ABCG1: variants seen among roughly 807,000 people sequenced by gnomAD.
The protein encoded by ABCG1 is ATP binding cassette subfamily G member 1, also known as ATP-binding cassette sub-family G member 1.
Under a neutral mutation model 69.2 loss-of-function variants are expected in ABCG1, and 29 were observed. The observed-to-expected ratio is 0.42, with a 90% confidence interval of 0.31 to 0.57. The LOEUF (loss-of-function observed/expected upper bound fraction) is 0.57, where lower values mean the gene tolerates loss of function less well. Ranked by LOEUF, ABCG1 falls within the 20% of genes least tolerant of loss-of-function variation. ABCG1 has a pLI of 0.15. For missense variants in ABCG1, 718 were observed against 898.1 expected (o/e 0.80, Z 2.56); for synonymous variants, 370 against 374.8 (o/e 0.99, Z 0.15).
In ABCG1 at chr21:42,296,481, G is replaced by A. The variant is rs566210379; in HGVS notation, c.*89G>A. ...GGAGGCAAGCCTGTGCCCGACCGAC[G>A]ACACAGAGACTCTTCTGATCCAACC... On this transcript the variant is annotated 3_prime_UTR_variant, in exon 15 of 15. Coordinates refer to ENST00000398449, the MANE Select transcript of ABCG1 (RefSeq NM_016818.3). The surrounding 1 kb of genome is among the most constrained non-coding windows in gnomAD (Gnocchi z 5.4). 41 of 1,175,638 alleles carry A rather than the reference G, an allele frequency of 3.5e-5. 1 individual carries two copies. In the South Asian group the frequency reaches 4.1e-4, roughly 12 times the overall value. The allele number at this position is 1,175,638 out of a possible 1,614,324, so 72.8% of individuals were successfully genotyped here. A position where few individuals can be genotyped will look rare whatever the true frequency, so the allele number is the denominator to read the frequency against.
chr21:42,207,072 T>G (rs1183961394), intron 2 of ABCG1: 1 of 152,222 alleles, frequency 6.6e-6, no homozygotes, highest in African/African-American at 2.4e-5. Flanking sequence ...TGTCTTGGTA[T>G]AGTTTTATTT....
At chr21:42,271,362 G>A (rs1032741303) in intron 3 of ABCG1, among the ~76,000 whole-genome samples, 175 bp downstream of exon 3, 1 of 152,198 alleles carries the variant, frequency 6.6e-6, no homozygotes, top group Non-Finnish European at 1.5e-5. Flanking sequence ...TATGATGGGT[G>A]GAGAGCCACA....
At chr21:42,238,564 G>T (rs570515383) in intron 2 of ABCG1, among the ~76,000 whole-genome samples, 2 of 152,184 alleles carry the variant, frequency 1.3e-5, no homozygotes, top group South Asian at 2.1e-4. Context: ...CTTTCAGATC[G>T]CTGGATGACA....
upstream of ABCG1, chr21:42,219,082 C>T (rs1601341799): frequency 7.5e-6 from 3 of 402,618 alleles, no homozygotes; most frequent in Admixed American, 5.3e-5. This position sits in a 1 kb window ranked among gnomAD's most constrained non-coding sequence, Gnocchi z 5.3. Flanking sequence ...GCCGGCCAAT[C>T]GCGCGCTCGG....
upstream of ABCG1, among the ~76,000 whole-genome samples, chr21:42,214,835 A>G (rs1310885526): frequency 6.6e-6 from 1 of 151,570 alleles, no homozygotes; most frequent in Non-Finnish European, 1.5e-5. Flanking sequence ...ATTTGGGGGA[A>G]AAAAATCCCA....
rs1215498823 is a variant in ABCG1 at position 42,273,659 on chromosome 21, C to T, written c.537+224C>T. Reference sequence around the variant, plus strand: ...CCCCCAAGACTGTGAGTTTAATGGACCTTGTTTGGCAGGGTTGGGGTCAAG... The same window carrying T: ...CCCCCAAGACTGTGAGTTTAATGGATCTTGTTTGGCAGGGTTGGGGTCAAG... On this transcript the variant is annotated intron_variant, in intron 4 of 14. Transcript: ENST00000398449. This position sits in a 1 kb window ranked among gnomAD's most constrained non-coding sequence, Gnocchi z 5.3. Among the ~76,000 whole-genome samples, 1 of 152,146 alleles carries T rather than the reference C, an allele frequency of 6.6e-6. No homozygotes were observed. Among genetic ancestry groups the T allele is most frequent in the Non-Finnish European group, 1.5e-5 (1 of 68,032 alleles).
At chr21:42,280,209 G>T (rs56281205) in intron 5 of ABCG1, among the ~76,000 whole-genome samples, 31,138 of 152,204 alleles carry the variant, frequency 0.2, 3,269 homozygotes, top group South Asian at 0.3. Context: ...CAGGAGAACA[G>T]GGCAGCAACT....
intron 2 of ABCG1, among the ~76,000 whole-genome samples, chr21:42,250,136 A>G (rs563117825): frequency 2.0e-5 from 3 of 152,070 alleles, no homozygotes; most frequent in South Asian, 4.2e-4. Flanking sequence ...AAAGGATTCT[A>G]AGTCTAAACC....
chr21:42,224,005 C>G (rs1390952030), intron 1 of ABCG1, among the ~76,000 whole-genome samples: 2 of 152,166 alleles, frequency 1.3e-5, no homozygotes, highest in Non-Finnish European at 2.9e-5. Context: ...GTTGCTCGAG[C>G]ACCCTAGGAC....
intron 10 of ABCG1, among the ~76,000 whole-genome samples, 165 bp from the exon 11 acceptor site, chr21:42,289,885 G>A (rs1399424417): frequency 3.9e-5 from 6 of 152,132 alleles, no homozygotes; most frequent in East Asian, 3.9e-4. Flanking sequence ...TATGTGAGTC[G>A]CTTTAGGGTT....
At chr21:42,200,107 G>A (rs888692570) in intron 1 of ABCG1, among the ~76,000 whole-genome samples, 1 of 152,186 alleles carries the variant, frequency 6.6e-6, no homozygotes, top group African/African-American at 2.4e-5. Flanking sequence ...GGAGAGAAAG[G>A]GGGACCCTGA....
intron 6 of ABCG1, among the ~76,000 whole-genome samples, chr21:42,283,657 C>CA (rs1174238938): frequency 7.0e-4 from 102 of 145,418 alleles, no homozygotes; most frequent in Admixed American, 4.9e-3. Flanking sequence ...GAAGTCCCCC[C>CA]CCACCCAAAT....
intron 2 of ABCG1, among the ~76,000 whole-genome samples, chr21:42,209,657 G>A (rs2067570774): frequency 6.6e-6 from 1 of 152,210 alleles, no homozygotes. Context: ...AGCTGCAAGT[G>A]ACTGAAATCT....
intron 2 of ABCG1, among the ~76,000 whole-genome samples, chr21:42,234,867 C>G (rs1417285619): frequency 6.6e-6 from 1 of 151,352 alleles, no homozygotes; most frequent in Admixed American, 6.6e-5. Flanking sequence ...CCCGCCCATC[C>G]GCCGCCACCG....
intron 2 of ABCG1, among the ~76,000 whole-genome samples, chr21:42,266,187 G>C (rs958755876): frequency 7.2e-5 from 11 of 152,132 alleles, no homozygotes; most frequent in African/African-American, 2.7e-4. Flanking sequence ...TGTAATCCCA[G>C]CTACTCAGGA....
intron 2 of ABCG1, among the ~76,000 whole-genome samples, chr21:42,251,737 T>C (rs2068225063): frequency 6.6e-6 from 1 of 152,072 alleles, no homozygotes; most frequent in South Asian, 2.1e-4. Context: ...AGGGAGACAG[T>C]GGGGGCCCAC....
intron 2 of ABCG1, among the ~76,000 whole-genome samples, chr21:42,239,696 G>A (rs932246641): frequency 6.6e-6 from 1 of 152,226 alleles, no homozygotes; most frequent in African/African-American, 2.4e-5. Flanking sequence ...TGGTCCCCTG[G>A]CTGGGCTACA....
At chr21:42,238,758 T>G (rs2068010861) in intron 2 of ABCG1, among the ~76,000 whole-genome samples, 1 of 152,156 alleles carries the variant, frequency 6.6e-6, no homozygotes. Context: ...CGTGTTTTAG[T>G]CTTGTGGCTA....
chr21:42,246,620 T>C (rs1313762670), intron 2 of ABCG1, among the ~76,000 whole-genome samples: 1 of 152,250 alleles, frequency 6.6e-6, no homozygotes, highest in Non-Finnish European at 1.5e-5. Context: ...TATGTATGTA[T>C]TGATGCTTCT....
Sources: allele counts gnomAD v4.1 joint callset (sites outside exome capture counted in the v4.1 genomes callset), GRCh38; gene constraint gnomAD v4.1.1; non-coding constraint Gnocchi (gnomAD v3.1); transcripts MANE v1.5; gene names NCBI Gene and HGNC (gene_info 2026-07-23, HGNC 2026-07-21).